ESRP1: variants seen among roughly 807,000 people sequenced by gnomAD.
ESRP1 encodes RNA-binding motif protein 35A.
A neutral mutation model predicts 81.7 loss-of-function variants in ESRP1; 33 were observed. That is an observed-to-expected ratio of 0.40 (90% confidence interval 0.31 to 0.54). ESRP1 has a LOEUF of 0.54. ESRP1 is among the 20% of genes least tolerant of loss of function. ESRP1 has a pLI of 0.41. For synonymous variants in ESRP1, 320 were observed against 303.3 expected (o/e 1.06, Z -0.57); for missense variants, 672 against 833.1 (o/e 0.81, Z 2.38).
chr8:94,697,722 C>G (rs992003312), intron 15 of ESRP1, among the ~76,000 whole-genome samples: 1 of 152,130 alleles, frequency 6.6e-6, no homozygotes, highest in Admixed American at 6.6e-5. Context: ...AGTATAATCA[C>G]TGAGTCATGT....
intron 15 of ESRP1, among the ~76,000 whole-genome samples, chr8:94,703,958 T>C (rs1286631757): frequency 6.6e-6 from 1 of 152,170 alleles, no homozygotes; most frequent in African/African-American, 2.4e-5. Context: ...GATTTTCTTA[T>C]CTGAATTTAG....
Position 94,685,482 on chromosome 8 carries a change from T to A in ESRP1, c.1820+7111T>A, listed in dbSNP as rs145577597. Among the ~76,000 whole-genome samples, 1,482 of 152,106 alleles carry A rather than the reference T, an allele frequency of 9.7e-3. 27 individuals are homozygous for A. Among genetic ancestry groups the A allele is most frequent in the African/African-American group, 0.033 (1,382 of 41,482 alleles). ...CTGTGATTGTGCCACTGCACTCTAG[T>A]CTGGTTGACAGTGAGACCCTGTCTC... On this transcript the variant is annotated intron_variant, in intron 13 of 15. Transcript: ENST00000433389.
In ESRP1 at chr8:94,668,151, C is replaced by G. The variant is rs200556943; in HGVS notation, c.1134C>G (p.Ala378=). Residue 378 remains alanine, a synonymous_variant, in exon 10 of 16, where the codon GCC becomes GCG. Transcript: ENST00000433389. ...CAGGGGACGCTTTTGTCCTCTTTGCCTGTGAGGAATATGCACAGAATGCGT... is the reference window on the plus strand; with the variant it reads ...CAGGGGACGCTTTTGTCCTCTTTGCGTGTGAGGAATATGCACAGAATGCGT... ...RPTGDAFVLF[A]CEEYAQNALR... is the part of the protein sequence containing the mutation. The G allele has an allele frequency of 8.1e-5, 131 of 1,613,998 alleles. No individual in the cohort carries two copies. In the East Asian group the frequency reaches 2.8e-3, roughly 35 times the overall value.
intron 13 of ESRP1, among the ~76,000 whole-genome samples, chr8:94,678,589 C>T (rs996571946): frequency 6.6e-6 from 1 of 152,204 alleles, no homozygotes; most frequent in African/African-American, 2.4e-5. Flanking sequence ...TTTAGGTCAC[C>T]TATGTCTACA....
intron 4 of ESRP1, among the ~76,000 whole-genome samples, chr8:94,657,806 A>G (rs1451464351): frequency 6.6e-6 from 1 of 152,178 alleles, no homozygotes. Context: ...TGAATTTATA[A>G]AACTTCTCTC....
At chr8:94,680,029 A>AT (rs1267771644) in intron 13 of ESRP1, among the ~76,000 whole-genome samples, 3 of 151,920 alleles carry the variant, frequency 2.0e-5, no homozygotes, top group Non-Finnish European at 4.4e-5. Flanking sequence ...TAAATACTTG[A>AT]TTTTCTCTCT....
chr8:94,675,987 A>T (rs1819567505), intron 12 of ESRP1, among the ~76,000 whole-genome samples: 1 of 152,176 alleles, frequency 6.6e-6, no homozygotes, highest in South Asian at 2.1e-4. Flanking sequence ...GCAACTTCTT[A>T]AAGTTTGTTA....
chr8:94,642,090 A>G lies in ESRP1; in HGVS notation c.261+6A>G. 6.2e-7 allele frequency: 1 copy of G among 1,609,764 alleles called. No individual in the cohort carries two copies. The highest frequency in any genetic ancestry group is 8.5e-7 in the Non-Finnish European group (1 of 1,179,538). ...TGGACCAAGCCCTCCGACAGGTGACAACCCCGGGTCACGCCACCCACCCCA... is the reference window on the plus strand; with the variant it reads ...TGGACCAAGCCCTCCGACAGGTGACGACCCCGGGTCACGCCACCCACCCCA... On this transcript the variant is annotated splice_donor_region_variant and intron_variant, in intron 2 of 15. Coordinates refer to ENST00000433389, the MANE Select transcript of ESRP1 (RefSeq NM_017697.4).
chr8:94,686,501 T>C (rs1311651849), intron 13 of ESRP1, among the ~76,000 whole-genome samples: 1 of 152,194 alleles, frequency 6.6e-6, no homozygotes, highest in Non-Finnish European at 1.5e-5. Flanking sequence ...CAGCTCTTTG[T>C]TCAGGTTACC....
intron 14 of ESRP1, 76 bp from the exon 15 acceptor site, chr8:94,696,776 T>A: frequency 8.7e-7 from 1 of 1,147,390 alleles, no homozygotes; most frequent in Non-Finnish European, 1.2e-6. Flanking sequence ...TGTTGGTAGA[T>A]CTATTTAGCT....
intron 7 of ESRP1, 58 bp from the exon 8 acceptor site, chr8:94,664,868 CT>C: frequency 1.9e-6 from 3 of 1,605,808 alleles, no homozygotes; most frequent in East Asian, 2.2e-5. Context: ...GATTTTCTAT[CT>C]TTTTTTTCCT....
Position 94,682,901 on chromosome 8 carries a change from A to ATT in ESRP1, c.1820+4533_1820+4534dup, listed in dbSNP as rs1415180200. Reference sequence around the variant, plus strand: ...ATATTCATTATTCAATATATTCATTATTTTATATATATATATATATATATA... The same window carrying ATT: ...ATATTCATTATTCAATATATTCATTATTTTTTATATATATATATATATATATA... On this transcript the variant is annotated intron_variant, in intron 13 of 15. Transcript: ENST00000433389. Among the ~76,000 whole-genome samples the ATT allele has an allele frequency of 6.1e-3, 237 of 38,668 alleles. 2 individuals are homozygous for ATT. The highest frequency in any genetic ancestry group is 0.026 in the East Asian group (40 of 1,524). 25.4% of individuals were successfully genotyped at this position (38,668 alleles called of 152,430 possible).
At position 94,696,871 on chromosome 8, in the gene ESRP1, T is replaced by G; in HGVS notation, c.1991T>G (p.Leu664Arg). The change falls in exon 15 of 16, where the codon CTT (leucine) becomes CGT (arginine). Residue 664 changes from leucine (L) to arginine (R), a missense_variant. Leu to Arg is a moderately radical substitution (Grantham distance 102). Transcript: ENST00000433389. ...TTTTAGTATGCAACCGAGGATGGACTTATACACACAAATGACCAGGCCAGG... is the reference window on the plus strand; with the variant it reads ...TTTTAGTATGCAACCGAGGATGGACGTATACACACAAATGACCAGGCCAGG... ...QGYQYATEDGLIHTNDQARTL... is the reference protein window; with the variant it reads ...QGYQYATEDGRIHTNDQARTL... The G allele has an allele frequency of 3.1e-6, 5 of 1,594,600 alleles. No homozygotes were observed. Among genetic ancestry groups the G allele is most frequent in the Non-Finnish European group, 4.3e-6 (5 of 1,170,072 alleles).
Position 94,665,005 on chromosome 8 carries a change from C to T in ESRP1, c.834C>T (p.His278=). Residue 278 remains histidine (H), a synonymous_variant, in exon 8 of 16, where the codon CAC becomes CAT. Coordinates refer to ENST00000433389, the MANE Select transcript of ESRP1 (RefSeq NM_017697.4). The part of the protein sequence containing the change: ...EALVRFVSEE[H]RDLALQRHKH... ...TGGTTAGGTTTGTAAGTGAGGAGCA[C>T]CGAGACCTAGCACTACAGAGGCACA... The T allele has an allele frequency of 1.2e-6, 2 of 1,611,922 alleles. No homozygotes were observed. Among genetic ancestry groups the T allele is most frequent in the Non-Finnish European group, 1.7e-6 (2 of 1,179,270 alleles).
chr8:94,671,642 C>T lies in ESRP1; in HGVS notation c.1423C>T (p.His475Tyr). 1 of 1,613,840 alleles carries T rather than the reference C, an allele frequency of 6.2e-7. No individual in the cohort carries two copies. The highest frequency in any genetic ancestry group is 8.5e-7 in the Non-Finnish European group (1 of 1,179,826). ...GGAGTTCGCCACAGATATTCGTACT[C>T]ATGGGGTTCACATGGTTTTGAATCA... ...LGEFATDIRT[H>Y]GVHMVLNHQG... The change falls in exon 11 of 16, where the codon CAT (histidine) becomes TAT (tyrosine). Residue 475 changes from histidine to tyrosine, a missense_variant. Physicochemically the swap from His to Tyr is moderately conservative, Grantham distance 83 (BLOSUM62 2). Coordinates refer to ENST00000433389, the MANE Select transcript of ESRP1 (RefSeq NM_017697.4).
At chr8:94,700,856 A>G (rs139128256) in intron 15 of ESRP1, among the ~76,000 whole-genome samples, 3,056 of 151,190 alleles carry the variant, frequency 0.02, 93 homozygotes, top group African/African-American at 0.069. Context: ...ATGAACCCGG[A>G]AGGCAGAGCT....
Position 94,692,844 on chromosome 8 carries a change from A to G in ESRP1, c.1971+17A>G. 3.1e-6 allele frequency: 5 copies of G among 1,609,962 alleles called. No homozygotes were observed. The highest frequency in any genetic ancestry group is 4.2e-6 in the Non-Finnish European group (5 of 1,177,672). On this transcript the variant is annotated intron_variant, in intron 14 of 15. Transcript: ENST00000433389. The stretch of plus-strand genomic sequence containing the variant: ...GGTTACCAGGTCAGTAGCTTGAAGG[A>G]GAATAATCCTCAGTGCCCTTATTAC...
intron 4 of ESRP1, among the ~76,000 whole-genome samples, chr8:94,653,421 A>ATAAT (rs1163466843): frequency 6.6e-6 from 1 of 152,170 alleles, no homozygotes; most frequent in East Asian, 1.9e-4. Context: ...GATTAATGAG[A>ATAAT]TAATGTGTGC....
intron 4 of ESRP1, among the ~76,000 whole-genome samples, chr8:94,660,846 T>C (rs139040820): frequency 5.3e-4 from 81 of 151,606 alleles, no homozygotes; most frequent in Non-Finnish European, 9.4e-4. Flanking sequence ...GAATCTTTGA[T>C]GAAAGGAAGA....
Sources: allele counts gnomAD v4.1 joint callset (sites outside exome capture counted in the v4.1 genomes callset), GRCh38; gene constraint gnomAD v4.1.1; transcripts MANE v1.5; gene names NCBI Gene and HGNC (gene_info 2026-07-23, HGNC 2026-07-21).